The following RPS6KC1 variants were observed in gnomAD, a reference collection of about 807,000 sequenced individuals.
RPS6KC1 encodes the protein inactive ribosomal protein S6 kinase delta-1.
RPS6KC1 carries 54 observed loss-of-function variants against 103.8 expected under a neutral mutation model. The observed-to-expected ratio is 0.52, with a 90% confidence interval of 0.42 to 0.65. The LOEUF is 0.65. Ranked by LOEUF, RPS6KC1 falls within the 30% of genes least tolerant of loss-of-function variation. The pLI is 0.00. For synonymous variants in RPS6KC1, 439 were observed against 438.7 expected (o/e 1.00, Z -0.01); for missense variants, 1,151 against 1,253.8 (o/e 0.92, Z 1.24).
the RPS6KC1 span, among the ~76,000 whole-genome samples, chr1:213,621,948 C>A: frequency 3.3e-5 from 5 of 152,270 alleles, no homozygotes; most frequent in Admixed American, 6.5e-5. Context: ...GTGGAAAGGA[C>A]AGCCTGTTTG....
At chr1:213,797,671 T>C in the RPS6KC1 span, among the ~76,000 whole-genome samples, 549 of 152,300 alleles carry the variant, frequency 3.6e-3, 4 homozygotes, top group African/African-American at 0.011. Context: ...ACTTCAACAA[T>C]TATTTGGCTA....
the RPS6KC1 span, among the ~76,000 whole-genome samples, chr1:213,434,127 A>T: frequency 2.1e-5 from 3 of 146,294 alleles, no homozygotes; most frequent in Non-Finnish European, 1.5e-5. Context: ...AAAAGCACTT[A>T]CTCATTTGGT....
the RPS6KC1 span, among the ~76,000 whole-genome samples, chr1:213,380,007 A>T: frequency 2.0e-5 from 3 of 152,214 alleles, no homozygotes; most frequent in African/African-American, 7.2e-5. Context: ...TCATTCTGTT[A>T]TAAAGATACA....
the RPS6KC1 span, among the ~76,000 whole-genome samples, chr1:213,301,517 G>A: frequency 1.0e-3 from 158 of 152,174 alleles, no homozygotes; most frequent in Non-Finnish European, 1.8e-3. Context: ...TGCTTCTCAC[G>A]TCATCTGGAG....
chr1:213,685,862 G>GC, the RPS6KC1 span, among the ~76,000 whole-genome samples: 1 of 152,264 alleles, frequency 6.6e-6, no homozygotes, highest in East Asian at 1.9e-4. Flanking sequence ...TTTGTTTGTT[G>GC]CCATACATTG....
chr1:213,407,412 G>A, the RPS6KC1 span, among the ~76,000 whole-genome samples: 1 of 152,132 alleles, frequency 6.6e-6, no homozygotes, highest in African/African-American at 2.4e-5. Context: ...GACTAAAGGA[G>A]GGAGAAGAAG....
intron 3 of RPS6KC1, among the ~76,000 whole-genome samples, chr1:213,094,493 A>G (rs1165523551): frequency 6.6e-6 from 1 of 152,120 alleles, no homozygotes; most frequent in African/African-American, 2.4e-5. Flanking sequence ...TTTTTAAAGA[A>G]CGTAGAACAG....
the RPS6KC1 span, among the ~76,000 whole-genome samples, chr1:213,502,500 T>G: frequency 3.9e-5 from 6 of 152,314 alleles, no homozygotes; most frequent in African/African-American, 1.4e-4. Context: ...TAAAACAGAT[T>G]ATCACTTTTT....
the RPS6KC1 span, among the ~76,000 whole-genome samples, chr1:213,477,139 C>G: frequency 6.6e-6 from 1 of 152,198 alleles, no homozygotes; most frequent in Non-Finnish European, 1.5e-5. Context: ...GCTGCCTCAC[C>G]TGTTCCTAAT....
Position 213,051,471 on chromosome 1 carries a change from C to T in RPS6KC1, c.67C>T (p.His23Tyr), listed in dbSNP as rs765345008. The change falls in exon 1 of 15, where the codon CAC (histidine) becomes TAC (tyrosine). Residue 23 changes from histidine (H) to tyrosine (Y), a missense_variant. His to Tyr is a moderately conservative substitution (Grantham distance 83). Around this residue, in one of 3 missense-constraint regions of RPS6KC1, gnomAD observed 959 missense variants for 1,006.3 expected, o/e 0.95. Transcript: ENST00000366960. Reference protein sequence around the residue: ...RFYTVTEPQRHPRGYTVYKVT... With the variant: ...RFYTVTEPQRYPRGYTVYKVT... ...CTACACTGTCACCGAGCCCCAGCGACACCCGAGGGGCTACACAGTATATAA... is the reference window on the plus strand; with the variant it reads ...CTACACTGTCACCGAGCCCCAGCGATACCCGAGGGGCTACACAGTATATAA... The T allele has an allele frequency of 4.3e-5, 70 of 1,613,468 alleles. No individual in the cohort carries two copies. The highest frequency in any genetic ancestry group is 1.6e-4 in the Middle Eastern group (1 of 6,074).
chr1:213,430,396 T>C, the RPS6KC1 span, among the ~76,000 whole-genome samples: 1 of 152,188 alleles, frequency 6.6e-6, no homozygotes, highest in African/African-American at 2.4e-5. Context: ...TGCAATATCA[T>C]GAATAACTAG....
chr1:213,316,046 T>A, the RPS6KC1 span, among the ~76,000 whole-genome samples: 1 of 152,204 alleles, frequency 6.6e-6, no homozygotes, highest in Non-Finnish European at 1.5e-5. Context: ...TCATCTGGAA[T>A]TGTAATCCCC....
chr1:213,727,337 T>C, the RPS6KC1 span, among the ~76,000 whole-genome samples: 1 of 152,134 alleles, frequency 6.6e-6, no homozygotes, highest in African/African-American at 2.4e-5. Context: ...CCTTCTGAGA[T>C]GAGGGTACAG....
chr1:213,648,144 T>A, the RPS6KC1 span, among the ~76,000 whole-genome samples: 1 of 152,208 alleles, frequency 6.6e-6, no homozygotes, highest in Non-Finnish European at 1.5e-5. Context: ...TTTGAAACCA[T>A]GAACTACCTC....
the RPS6KC1 span, among the ~76,000 whole-genome samples, chr1:213,686,318 A>G: frequency 6.6e-6 from 1 of 152,222 alleles, no homozygotes; most frequent in African/African-American, 2.4e-5. Context: ...CAGCTGAGAA[A>G]GAACTCCTGA....
chr1:213,230,393 G>A (rs2094064534), intron 8 of RPS6KC1, 104 bp from the exon 9 acceptor site: 3 of 688,186 alleles, frequency 4.4e-6, no homozygotes, highest in Non-Finnish European at 7.0e-6. Flanking sequence ...TTTTGGGGAG[G>A]GGATTAAATT....
Position 213,242,295 on chromosome 1 carries a change from G to GACT in RPS6KC1, c.2820_2821insCTA (p.Arg940_Gly941insLeu). The GACT allele has an allele frequency of 6.2e-7, 1 of 1,613,732 alleles. No individual in the cohort carries two copies. The highest frequency in any genetic ancestry group is 8.5e-7 in the Non-Finnish European group (1 of 1,179,800). On this transcript the variant is annotated inframe_insertion and splice_region_variant, in exon 11 of 15. Coordinates refer to ENST00000366960, the MANE Select transcript of RPS6KC1 (RefSeq NM_012424.6). Reference sequence around the variant, plus strand: ...CCAAACAACATCTTATTGAATGATAGAGGTCAGGAACTTTTGCAAATGCAT... The same window carrying GACT: ...CCAAACAACATCTTATTGAATGATAGACTAGGTCAGGAACTTTTGCAAATGCAT...
At chr1:213,438,090 T>C in the RPS6KC1 span, among the ~76,000 whole-genome samples, 6 of 152,316 alleles carry the variant, frequency 3.9e-5, no homozygotes, top group South Asian at 1.2e-3. Context: ...TCAACTCATC[T>C]CTTTACTTCT....
At chr1:213,148,875 T>G (rs1391246629) in intron 6 of RPS6KC1, among the ~76,000 whole-genome samples, 1 of 152,100 alleles carries the variant, frequency 6.6e-6, no homozygotes, top group East Asian at 1.9e-4. Context: ...TCTGTTCAGG[T>G]TCTGTGTTTT....
Sources: allele counts gnomAD v4.1 joint callset (sites outside exome capture counted in the v4.1 genomes callset), GRCh38; gene constraint gnomAD v4.1.1; regional missense constraint gnomAD v4.1.1; transcripts MANE v1.5; gene names NCBI Gene and HGNC (gene_info 2026-07-23, HGNC 2026-07-21).